CCSER1: variants seen among roughly 807,000 people sequenced by gnomAD.
CCSER1 encodes serine-rich coiled-coil domain-containing protein 1.
In CCSER1, 41 loss-of-function variants were observed where a neutral mutation model predicts 82.0. The observed-to-expected ratio is 0.50, with a 90% confidence interval of 0.39 to 0.65. CCSER1 has a LOEUF of 0.65. Ranked by LOEUF, CCSER1 falls within the 30% of genes least tolerant of loss-of-function variation. The pLI is 0.00. For synonymous variants in CCSER1, 414 were observed against 383.9 expected, an observed-to-expected ratio of 1.08 and a Z score of -0.92; for missense variants, 1,119 against 1,064.2, an observed-to-expected ratio of 1.05 and a Z score of -0.72.
intron 1 of CCSER1, among the ~76,000 whole-genome samples, chr4:90,273,018 C>CAAAAA (rs199498597): frequency 6.9e-6 from 1 of 145,730 alleles, no homozygotes; most frequent in Non-Finnish European, 1.5e-5. Flanking sequence ...AACAAACAAA[C>CAAAAA]AAACAAAAAA....
At chr4:91,398,620 A>T (rs1044761396) in intron 10 of CCSER1, among the ~76,000 whole-genome samples, 28 of 151,780 alleles carry the variant, frequency 1.8e-4, no homozygotes, top group African/African-American at 6.5e-4. Context: ...AGGGGAAATT[A>T]AATGCTTTAA....
chr4:90,338,512 A>G (rs1410774014), intron 3 of CCSER1, among the ~76,000 whole-genome samples: 1 of 152,212 alleles, frequency 6.6e-6, no homozygotes, highest in Non-Finnish European at 1.5e-5. Flanking sequence ...GTTGTGAAAC[A>G]AAGATATTTC....
At chr4:90,236,561 A>G (rs1046096763) in intron 1 of CCSER1, among the ~76,000 whole-genome samples, 2 of 152,216 alleles carry the variant, frequency 1.3e-5, no homozygotes, top group African/African-American at 4.8e-5. Context: ...ACCTGGGATA[A>G]TAACAATTGA....
intron 10 of CCSER1, among the ~76,000 whole-genome samples, chr4:91,538,770 T>C (rs563291138): frequency 1.3e-5 from 2 of 148,816 alleles, no homozygotes; most frequent in Admixed American, 6.7e-5. Context: ...GGAACTGTTG[T>C]GGAGACAAAT....
At chr4:90,133,337 A>C (rs1242287800) in intron 1 of CCSER1, among the ~76,000 whole-genome samples, 3 of 152,188 alleles carry the variant, frequency 2.0e-5, no homozygotes, top group African/African-American at 4.8e-5. Context: ...ATTTAACTGG[A>C]TAGTAATGAC....
intron 10 of CCSER1, among the ~76,000 whole-genome samples, chr4:91,587,526 C>G (rs1451665157): frequency 2.6e-5 from 4 of 151,780 alleles, no homozygotes; most frequent in African/African-American, 9.7e-5. Context: ...AGTAACACAG[C>G]ACAAAATATC....
At chr4:90,129,667 T>C (rs984690451) in intron 1 of CCSER1, among the ~76,000 whole-genome samples, 1 of 152,216 alleles carries the variant, frequency 6.6e-6, no homozygotes, top group African/African-American at 2.4e-5. Flanking sequence ...TTAAATTAAT[T>C]AGTTATTTTG....
intron 1 of CCSER1, among the ~76,000 whole-genome samples, chr4:90,167,863 C>T (rs1048760650): frequency 6.6e-6 from 1 of 152,004 alleles, no homozygotes. Flanking sequence ...TTTTCTTAAT[C>T]CAGTCTATCA....
chr4:90,250,745 A>G (rs1722240878), intron 1 of CCSER1, among the ~76,000 whole-genome samples: 1 of 152,090 alleles, frequency 6.6e-6, no homozygotes, highest in African/African-American at 2.4e-5. Context: ...CTGCAATTTT[A>G]AAAAGGCAGT....
intron 10 of CCSER1, among the ~76,000 whole-genome samples, chr4:91,413,262 G>T (rs1461012625): frequency 1.3e-5 from 2 of 152,048 alleles, no homozygotes; most frequent in Non-Finnish European, 2.9e-5. Context: ...GGGAAACATA[G>T]CAAGACCTTA....
At chr4:91,574,331 CAG>C (rs948833531) in intron 10 of CCSER1, among the ~76,000 whole-genome samples, 78 of 152,064 alleles carry the variant, frequency 5.1e-4, no homozygotes, top group African/African-American at 1.7e-3. Flanking sequence ...CTGTGGAAAA[CAG>C]TGTGTACATT....
At chr4:91,228,494 A>C (rs1738381433) in intron 10 of CCSER1, among the ~76,000 whole-genome samples, 1 of 151,980 alleles carries the variant, frequency 6.6e-6, no homozygotes, top group Non-Finnish European at 1.5e-5. Flanking sequence ...TAAACAAAAA[A>C]ATTTTAAAGA....
intron 8 of CCSER1, among the ~76,000 whole-genome samples, chr4:90,864,182 A>T (rs548541421): frequency 2.0e-5 from 3 of 151,632 alleles, no homozygotes; most frequent in Non-Finnish European, 4.4e-5. Context: ...GACAACCCAC[A>T]TCCTTTTTCT....
intron 5 of CCSER1, among the ~76,000 whole-genome samples, chr4:90,505,624 G>A (rs1261479865): frequency 2.0e-5 from 3 of 152,124 alleles, no homozygotes; most frequent in Non-Finnish European, 4.4e-5. Flanking sequence ...TTTTGGAAAC[G>A]GACAGGGCAT....
At chr4:91,271,743 T>C (rs1179155403) in intron 10 of CCSER1, among the ~76,000 whole-genome samples, 3 of 152,076 alleles carry the variant, frequency 2.0e-5, no homozygotes, top group African/African-American at 7.2e-5. Flanking sequence ...TACACATATA[T>C]ATATCACAGT....
intron 7 of CCSER1, among the ~76,000 whole-genome samples, chr4:90,782,685 C>CTTTCTTT (rs1428237096): frequency 2.2e-5 from 3 of 133,982 alleles, no homozygotes; most frequent in Non-Finnish European, 4.7e-5. Flanking sequence ...TTCTTTCTTT[C>CTTTCTTT]TTTTTTTTTT....
chr4:90,490,094 C>T (rs1043995639), intron 5 of CCSER1, among the ~76,000 whole-genome samples: 1 of 152,140 alleles, frequency 6.6e-6, no homozygotes, highest in Non-Finnish European at 1.5e-5. Context: ...GAGGAATCAC[C>T]ACACTGTCTT....
At chr4:91,008,583 A>T (rs957243861) in intron 9 of CCSER1, among the ~76,000 whole-genome samples, 1 of 152,152 alleles carries the variant, frequency 6.6e-6, no homozygotes, top group Non-Finnish European at 1.5e-5. Context: ...CTTTCAGCAA[A>T]TATTTGGCCT....
intron 1 of CCSER1, among the ~76,000 whole-genome samples, chr4:90,264,977 G>A (rs1287831544): frequency 1.3e-5 from 2 of 151,786 alleles, no homozygotes; most frequent in African/African-American, 2.4e-5. Flanking sequence ...TTTAAATTGA[G>A]GGTATAATTT....
Sources: allele counts gnomAD v4.1 joint callset (sites outside exome capture counted in the v4.1 genomes callset), GRCh38; gene constraint gnomAD v4.1.1; transcripts MANE v1.5; gene names NCBI Gene and HGNC (gene_info 2026-07-23, HGNC 2026-07-21).